CREBBP: variants seen among roughly 807,000 people sequenced by gnomAD.
CREBBP encodes CREB binding lysine acetyltransferase.
In CREBBP, 19 loss-of-function variants were observed where a neutral mutation model predicts 265.0. The observed-to-expected ratio is 0.07, with a 90% CI of 0.05 to 0.11. The LOEUF (loss-of-function observed/expected upper bound fraction) is 0.11, where lower values mean the gene tolerates loss of function less well. CREBBP is among the 10% of genes least tolerant of loss of function. The probability of loss-of-function intolerance (pLI) is 1.00; values close to 1 mark genes in which losing one functional copy is unlikely to be tolerated. For missense variants in CREBBP, 2,525 were observed against 3,219.0 expected (o/e 0.78, Z 5.22); for synonymous variants, 1,457 against 1,223.7 (o/e 1.19, Z -3.98).
chr16:3,875,119 A>T (rs527572233), intron 1 of CREBBP, among the ~76,000 whole-genome samples: 1 of 152,136 alleles, frequency 6.6e-6, no homozygotes, highest in South Asian at 2.1e-4. Context: ...CTAAGCATCA[A>T]CTTCCAACTG....
Position 3,729,276 on chromosome 16 carries a change from A to G in CREBBP, c.5771T>C (p.Val1924Ala), listed in dbSNP as rs1440955568. Residue 1924 changes from valine (V) to alanine (A), a missense_variant, in exon 31 of 31, where the codon GTG (valine) becomes GCG (alanine). Physicochemically the swap from Val to Ala is moderately conservative, Grantham distance 64. This residue lies in a region of CREBBP where 275 missense variants were observed against 276.5 expected (regional missense o/e 0.99). Transcript: ENST00000262367. ...VSMSPAGFPSVARTQPPTTVS... is the reference protein window; with the variant it reads ...VSMSPAGFPSAARTQPPTTVS... ...CGTGGTGGGGGGCTGAGTCCGGGCC[A>G]CGCTGGGGAAGCCAGCTGGTGACAT... The G allele has an allele frequency of 6.5e-7, 1 of 1,532,262 alleles. No homozygotes were observed. The highest frequency in any genetic ancestry group is 8.7e-7 in the Non-Finnish European group (1 of 1,143,860). The allele number at this position is 1,532,262 out of a possible 1,614,324, so 94.9% of individuals were successfully genotyped here. A position where few individuals can be genotyped will look rare whatever the true frequency, so the allele number is the denominator to read the frequency against.
In CREBBP at chr16:3,731,984, AC is replaced by A; in HGVS notation, c.4729-48del. The A allele has an allele frequency of 6.2e-7, 1 of 1,613,614 alleles. No homozygotes were observed. Among genetic ancestry groups the A allele is most frequent in the Middle Eastern group, 1.7e-4 (1 of 5,914 alleles). On this transcript the variant is annotated intron_variant, in intron 28 of 30. Transcript: ENST00000262367. The surrounding 1 kb of genome is among the most constrained non-coding windows in gnomAD (Gnocchi z 7.7). The stretch of plus-strand genomic sequence containing the variant: ...TGAGACCAGGCAAGTGCCCCTCCAC[AC>A]TTGGCACGGACGCCCAGCTCCCAGG...
At chr16:3,783,173 C>G (rs1043713667) in intron 5 of CREBBP, among the ~76,000 whole-genome samples, 1 of 152,070 alleles carries the variant, frequency 6.6e-6, no homozygotes, top group African/African-American at 2.4e-5. Context: ...TGCAACAGAC[C>G]ATAAAATCTC....
chr16:3,779,493 A>G (rs1335969108), intron 8 of CREBBP, among the ~76,000 whole-genome samples: 1 of 152,186 alleles, frequency 6.6e-6, no homozygotes, highest in African/African-American at 2.4e-5. Flanking sequence ...TTCCAATGCC[A>G]TCAAATAAGC....
intron 13 of CREBBP, among the ~76,000 whole-genome samples, chr16:3,772,471 A>G (rs894719239): frequency 2.6e-5 from 4 of 152,136 alleles, no homozygotes; most frequent in African/African-American, 9.7e-5. Context: ...TCACTGTTCT[A>G]GAGCAGGGGT....
Position 3,751,767 on chromosome 16 carries a change from G to T in CREBBP, c.3738C>A (p.Gly1246=). 1 of 1,614,066 alleles carries T rather than the reference G, an allele frequency of 6.2e-7. No homozygotes were observed. Among genetic ancestry groups the T allele is most frequent in the African/African-American group, 1.3e-5 (1 of 75,008 alleles). Residue 1246 remains glycine (G), a synonymous_variant, in exon 20 of 31, where the codon GGC becomes GGA. Coordinates refer to ENST00000262367, the MANE Select transcript of CREBBP (RefSeq NM_004380.3). ...FCEKCFTEIQ[G]ENVTLGDDPS... ...GGTCGTCACCCAGGGTCACATTCTC[G>T]CCCTGGATCTCTGTGAAACACTTCT...
intron 2 of CREBBP, among the ~76,000 whole-genome samples, chr16:3,814,039 C>T (rs910973591): frequency 3.3e-5 from 5 of 152,156 alleles, no homozygotes; most frequent in Non-Finnish European, 7.3e-5. Flanking sequence ...AAGTTTATTT[C>T]CAAAACTTCC....
rs570851354 is a variant in CREBBP at position 3,833,319 on chromosome 16, C to T, written c.798+16978G>A. 1.2e-4 allele frequency among the ~76,000 whole-genome samples: 18 copies of T among 152,280 alleles called. No homozygotes were observed. The South Asian group carries it at 2.9e-3, about 25-fold the overall frequency. ...CCCAGTTACTCAGGAGGCTGAGGCA[C>T]GAGAATCGCTTGAGCCCCAGAGGTG... On this transcript the variant is annotated intron_variant, in intron 2 of 30. Coordinates refer to ENST00000262367, the MANE Select transcript of CREBBP (RefSeq NM_004380.3).
chr16:3,823,286 T>C (rs1353602005), intron 2 of CREBBP, among the ~76,000 whole-genome samples: 9 of 152,212 alleles, frequency 5.9e-5, no homozygotes, highest in Non-Finnish European at 8.8e-5. Context: ...ACGACCCTGT[T>C]AGGCTGCACA....
chr16:3,741,453 T>C (rs537417637), intron 23 of CREBBP: 22 of 152,262 alleles, frequency 1.4e-4, no homozygotes, highest in Non-Finnish European at 3.1e-4. Flanking sequence ...TTTTCTGCAA[T>C]AAACAAACCA....
chr16:3,775,000 C>G (rs900860388), intron 11 of CREBBP, among the ~76,000 whole-genome samples: 2 of 152,080 alleles, frequency 1.3e-5, no homozygotes, highest in African/African-American at 4.8e-5. Context: ...TGTGGTAGAG[C>G]TGAGCCAGAG....
chr16:3,871,759 C>T (rs2055304407), intron 1 of CREBBP, among the ~76,000 whole-genome samples: 1 of 152,170 alleles, frequency 6.6e-6, no homozygotes, highest in South Asian at 2.1e-4. Context: ...ATTTGCTTTA[C>T]AACAGAATTG....
At chr16:3,739,163 G>T (rs1299870075) in intron 25 of CREBBP, among the ~76,000 whole-genome samples, 1 of 152,208 alleles carries the variant, frequency 6.6e-6, no homozygotes, top group Admixed American at 6.6e-5. Context: ...CTGAACAAAA[G>T]GATGAATGGC....
At chr16:3,798,516 G>C (rs148947242) in intron 3 of CREBBP, among the ~76,000 whole-genome samples, 24 of 152,252 alleles carry the variant, frequency 1.6e-4, no homozygotes, top group African/African-American at 5.3e-4. Context: ...ATAAGTGAAA[G>C]CTCTGAACAG....
chr16:3,875,878 C>A (rs555733845), intron 1 of CREBBP, among the ~76,000 whole-genome samples: 1 of 152,136 alleles, frequency 6.6e-6, no homozygotes, highest in Non-Finnish European at 1.5e-5. Context: ...CATAACAGAC[C>A]ATTTGGTTGA....
intron 2 of CREBBP, among the ~76,000 whole-genome samples, chr16:3,849,782 G>A (rs1275934922): frequency 6.6e-6 from 1 of 151,924 alleles, no homozygotes; most frequent in Non-Finnish European, 1.5e-5. Context: ...GCTGGTCCAG[G>A]GGACCCCACT....
chr16:3,821,894 G>A (rs1206138502), intron 2 of CREBBP, among the ~76,000 whole-genome samples: 1 of 152,092 alleles, frequency 6.6e-6, no homozygotes, highest in Non-Finnish European at 1.5e-5. Flanking sequence ...GCCAGGCATG[G>A]TGGCACACAC....
At chr16:3,739,481 A>C (rs1310139953) in intron 25 of CREBBP, 97 bp downstream of exon 25, 1 of 1,435,788 alleles carries the variant, frequency 7.0e-7, no homozygotes, top group African/African-American at 1.4e-5. Context: ...TTAATCCCCT[A>C]TGAAGGCTCA....
At chr16:3,808,462 C>A (rs1479944888) in intron 3 of CREBBP, among the ~76,000 whole-genome samples, 6 of 152,232 alleles carry the variant, frequency 3.9e-5, no homozygotes, top group Non-Finnish European at 8.8e-5. Context: ...AGAGAACTGC[C>A]ATCAGTGCAG....
Sources: gnomAD v4.1 joint callset for allele counts (sites outside exome capture counted in the v4.1 genomes callset) on GRCh38, gnomAD v4.1.1 for gene constraint, gnomAD v4.1.1 regional missense constraint, Gnocchi (gnomAD v3.1) non-coding constraint, MANE v1.5 for transcripts, NCBI Gene and HGNC (gene_info 2026-07-23, HGNC 2026-07-21) for gene names.